TBC1D5: variants seen among roughly 807,000 people sequenced by gnomAD.
The protein encoded by TBC1D5 is TBC1 domain family, member 5.
Under a neutral mutation model 100.3 loss-of-function variants are expected in TBC1D5, and 75 were observed. That is an observed-to-expected ratio of 0.75 (90% CI 0.62 to 0.91). TBC1D5 has a LOEUF of 0.91. TBC1D5 is among the 40% of genes least tolerant of loss of function. TBC1D5 has a pLI of 0.00. For missense variants in TBC1D5, 910 were observed against 942.4 expected (o/e 0.97, Z 0.45); for synonymous variants, 323 against 325.6 (o/e 0.99, Z 0.09).
intron 2 of TBC1D5, among the ~76,000 whole-genome samples, chr3:17,523,420 G>C (rs566559925): frequency 3.3e-5 from 5 of 152,154 alleles, no homozygotes; most frequent in Admixed American, 3.3e-4. Flanking sequence ...ATTAAAAGGA[G>C]CTCTAACTCT....
intron 2 of TBC1D5, among the ~76,000 whole-genome samples, chr3:17,556,076 G>A (rs553882405): frequency 6.6e-6 from 1 of 152,022 alleles, no homozygotes; most frequent in South Asian, 2.1e-4. Context: ...AGGCAGTGGC[G>A]CAATCTCAGC....
At chr3:17,546,496 G>A (rs528056112) in intron 2 of TBC1D5, among the ~76,000 whole-genome samples, 1 of 152,140 alleles carries the variant, frequency 6.6e-6, no homozygotes, top group East Asian at 1.9e-4. Context: ...AGGCACGGTG[G>A]CTCACATCTG....
intron 3 of TBC1D5, among the ~76,000 whole-genome samples, chr3:17,452,757 C>G (rs572488919): frequency 6.6e-6 from 1 of 151,958 alleles, no homozygotes; most frequent in South Asian, 2.1e-4. Flanking sequence ...AAATATCTCC[C>G]AGACAAAGAA....
At chr3:17,574,828 A>G (rs1036661882) in intron 2 of TBC1D5, among the ~76,000 whole-genome samples, 13 of 152,098 alleles carry the variant, frequency 8.5e-5, no homozygotes, top group African/African-American at 3.1e-4. Context: ...CTGTTCCTAT[A>G]TATCAAAGAC....
At position 17,528,061 on chromosome 3, in the gene TBC1D5, G is replaced by A. The variant is rs140733684; in HGVS notation, c.-35-19456C>T. Among the ~76,000 whole-genome samples, 473 of 152,026 alleles carry A rather than the reference G, an allele frequency of 3.1e-3. 4 individuals are homozygous for A. Among genetic ancestry groups the A allele is most frequent in the African/African-American group, 0.011 (447 of 41,456 alleles). On this transcript the variant is annotated intron_variant, in intron 2 of 21. Coordinates refer to ENST00000253692, the Ensembl canonical transcript of TBC1D5. ...CAACAGTATTAGGTTTTTTAGGGGG[G>A]GCTGGGAGGGGTGGCTGAGACAAGG... is the stretch of plus-strand genomic sequence containing the variant.
intron 3 of TBC1D5, among the ~76,000 whole-genome samples, chr3:17,500,697 C>T (rs111919250): frequency 0.017 from 2,609 of 149,682 alleles, 101 homozygotes; most frequent in Admixed American, 0.027. Flanking sequence ...GGTACTGTGA[C>T]TTTCCCCTAC....
intron 13 of TBC1D5, among the ~76,000 whole-genome samples, chr3:17,345,548 G>T (rs1181056033): frequency 6.6e-6 from 1 of 152,004 alleles, no homozygotes; most frequent in East Asian, 1.9e-4. Flanking sequence ...AATACTATTT[G>T]ACCCAGCCAT....
intron 21 of TBC1D5, among the ~76,000 whole-genome samples, chr3:17,163,388 T>C (rs1253167593): frequency 6.6e-6 from 1 of 152,154 alleles, no homozygotes; most frequent in African/African-American, 2.4e-5. Flanking sequence ...TAGAATTTTT[T>C]TCAAGAGGCA....
At chr3:17,582,493 G>C (rs998263424) in intron 2 of TBC1D5, among the ~76,000 whole-genome samples, 2 of 152,030 alleles carry the variant, frequency 1.3e-5, no homozygotes, top group African/African-American at 4.8e-5. Context: ...ATAAAAAACA[G>C]TACAGCTAAC....
At chr3:17,493,682 A>G (rs1167288361) in intron 3 of TBC1D5, among the ~76,000 whole-genome samples, 1 of 152,122 alleles carries the variant, frequency 6.6e-6, no homozygotes, top group Non-Finnish European at 1.5e-5. Flanking sequence ...GATAGTCTTC[A>G]AAGTCTGATA....
At chr3:17,347,671 A>G (rs1413656979) in intron 13 of TBC1D5, among the ~76,000 whole-genome samples, 1 of 152,096 alleles carries the variant, frequency 6.6e-6, no homozygotes, top group African/African-American at 2.4e-5. Context: ...AAAAAATCAA[A>G]GAAAGTCTGA....
rs577485954 is a variant in TBC1D5 at position 17,332,975 on chromosome 3, G to A, written c.996-24841C>T. ...AAGAAATGGAAAATAGCTGGAGGGG[G>A]ATGTGTGGTCAAGTTGGGGTGTTTT... On this transcript the variant is annotated intron_variant, in intron 13 of 21. Transcript: ENST00000253692. Among the ~76,000 whole-genome samples, 37 of 152,166 alleles carry A rather than the reference G, an allele frequency of 2.4e-4. 1 individual carries two copies. The highest frequency in any genetic ancestry group is 2.0e-3 in the Admixed American group (31 of 15,268).
intron 1 of TBC1D5, among the ~76,000 whole-genome samples, chr3:17,642,903 C>T (rs1403068892): frequency 6.6e-6 from 1 of 152,078 alleles, no homozygotes; most frequent in African/African-American, 2.4e-5. Flanking sequence ...ACCGAATTCC[C>T]ACATAACCTT....
At chr3:17,588,878 AT>A (rs1405175401) in intron 2 of TBC1D5, among the ~76,000 whole-genome samples, 1 of 152,176 alleles carries the variant, frequency 6.6e-6, no homozygotes, top group Non-Finnish European at 1.5e-5. Context: ...AACCTTCTTG[AT>A]TTCTTTCTAA....
chr3:17,426,437 T>C (rs764512093), intron 4 of TBC1D5, among the ~76,000 whole-genome samples: 7 of 152,088 alleles, frequency 4.6e-5, no homozygotes, highest in Non-Finnish European at 1.0e-4. Flanking sequence ...AATACTATAA[T>C]AGTATTTAAC....
intron 1 of TBC1D5, chr3:17,706,205 G>A (rs571902321): frequency 1.8e-5 from 28 of 1,551,604 alleles, no homozygotes; most frequent in Admixed American, 1.6e-4. Context: ...CCGGCATCGC[G>A]GCGAGGCCCA....
At chr3:17,655,754 A>T (rs544244798) in intron 1 of TBC1D5, among the ~76,000 whole-genome samples, 1 of 152,268 alleles carries the variant, frequency 6.6e-6, no homozygotes, top group Admixed American at 6.5e-5. Flanking sequence ...ATTCCAAAAT[A>T]CTTCTCATCC....
chr3:17,229,044 TAGAC>T (rs1273333585), intron 17 of TBC1D5, among the ~76,000 whole-genome samples: 10 of 152,072 alleles, frequency 6.6e-5, no homozygotes, highest in South Asian at 4.1e-4. Context: ...TTTTACTAAA[TAGAC>T]AGGCAGAACC....
At chr3:17,283,894 A>G (rs1010961641) in intron 15 of TBC1D5, among the ~76,000 whole-genome samples, 5 of 152,008 alleles carry the variant, frequency 3.3e-5, no homozygotes, top group African/African-American at 9.7e-5. Context: ...CCAATAGCCT[A>G]AGCTCTTTTC....
Sources: gnomAD v4.1 joint callset for allele counts (sites outside exome capture counted in the v4.1 genomes callset) on GRCh38, gnomAD v4.1.1 for gene constraint, MANE v1.5 for transcripts, NCBI Gene and HGNC (gene_info 2026-07-23, HGNC 2026-07-21) for gene names.